Variants in TMEM132B observed in about 807,000 individuals in gnomAD.
TMEM132B encodes transmembrane protein 132B.
TMEM132B carries 18 observed loss-of-function variants against 90.8 expected under a neutral mutation model. The observed-to-expected ratio is 0.20, with a 90% confidence interval of 0.14 to 0.29. The LOEUF is 0.29. Ranked by LOEUF, TMEM132B falls within the 10% of genes least tolerant of loss-of-function variation. The pLI, the probability that TMEM132B is intolerant of heterozygous loss-of-function variation, is 1.00. For synonymous variants in TMEM132B, 504 were observed against 523.3 expected (o/e 0.96, Z 0.50); for missense variants, 1,096 against 1,326.8 (o/e 0.83, Z 2.70).
chr12:125,188,852 C>CAAAAAA (rs72059024), intron 1 of TMEM132B, among the ~76,000 whole-genome samples: 5 of 91,236 alleles, frequency 5.5e-5, no homozygotes, highest in African/African-American at 1.3e-4. Context: ...GGAGGGATGG[C>CAAAAAA]AAAAAAAAAA....
intron 1 of TMEM132B, among the ~76,000 whole-genome samples, chr12:125,242,891 C>T (rs765405845): frequency 1.1e-4 from 17 of 151,994 alleles, no homozygotes; most frequent in Non-Finnish European, 1.8e-4. Context: ...CTGGTGCTCA[C>T]TTTGCTGTGC....
chr12:125,357,632 G>A (rs1349320681), intron 2 of TMEM132B, among the ~76,000 whole-genome samples: 1 of 152,032 alleles, frequency 6.6e-6, no homozygotes, highest in East Asian at 1.9e-4. Context: ...ATCACCTGCC[G>A]AAGACCGGGG....
chr12:125,325,290 T>C (rs576357045), intron 1 of TMEM132B, among the ~76,000 whole-genome samples: 4 of 152,214 alleles, frequency 2.6e-5, no homozygotes, highest in Admixed American at 6.5e-5. Flanking sequence ...ACAGGAGCGT[T>C]TGATGCCCCT....
At chr12:125,501,242 GA>G (rs1488585376) in intron 3 of TMEM132B, among the ~76,000 whole-genome samples, 1 of 152,082 alleles carries the variant, frequency 6.6e-6, no homozygotes, top group Non-Finnish European at 1.5e-5. Context: ...GATAAATGAG[GA>G]ATAATATTTT....
intron 4 of TMEM132B, among the ~76,000 whole-genome samples, chr12:125,558,737 T>G (rs917609136): frequency 6.6e-6 from 1 of 152,202 alleles, no homozygotes; most frequent in Non-Finnish European, 1.5e-5. Flanking sequence ...ATCAAGAAGA[T>G]GAGTCTAATC....
chr12:125,316,530 A>G (rs984721585), intron 1 of TMEM132B, among the ~76,000 whole-genome samples: 2 of 59,252 alleles, frequency 3.4e-5, no homozygotes, highest in Non-Finnish European at 6.0e-5. Context: ...GAAAGAGTAC[A>G]GAGAGGTCCT....
intron 2 of TMEM132B, among the ~76,000 whole-genome samples, chr12:125,382,735 A>G (rs183236097): frequency 2.3e-4 from 35 of 152,352 alleles, no homozygotes; most frequent in Admixed American, 3.9e-4. Context: ...GTTCAATAAC[A>G]TTGCTCTTGA....
chr12:125,381,004 G>T (rs1878664538), intron 2 of TMEM132B, among the ~76,000 whole-genome samples: 1 of 152,130 alleles, frequency 6.6e-6, no homozygotes, highest in South Asian at 2.1e-4. Context: ...CTTCTGTCCT[G>T]GTCAGATGCT....
At chr12:125,189,944 A>G (rs1571885) in intron 1 of TMEM132B, among the ~76,000 whole-genome samples, 119,137 of 152,002 alleles carry the variant, frequency 0.78, 46,995 homozygotes, top group African/African-American at 0.84. Context: ...GAGGGGGTCC[A>G]TTTCCCCTGA....
At chr12:125,589,477 G>T (rs1389046557) in intron 5 of TMEM132B, among the ~76,000 whole-genome samples, 9 of 49,924 alleles carry the variant, frequency 1.8e-4, no homozygotes, top group South Asian at 1.1e-3. Context: ...GCGAGACTCC[G>T]TCTCAAAAAA....
At chr12:125,442,914 G>A (rs571669295) in intron 3 of TMEM132B, among the ~76,000 whole-genome samples, 83 of 152,354 alleles carry the variant, frequency 5.4e-4, no homozygotes, top group Non-Finnish European at 1.1e-3. Flanking sequence ...GTCGCTAGTC[G>A]ACAGTTCTAA....
intron 3 of TMEM132B, among the ~76,000 whole-genome samples, chr12:125,438,293 G>A (rs1475921751): frequency 6.6e-6 from 1 of 152,192 alleles, no homozygotes; most frequent in Non-Finnish European, 1.5e-5. Flanking sequence ...TTTAATTCCA[G>A]AGAGGTGTAA....
At chr12:125,243,032 TACACACACACACACACACACATAC>T (rs1874117070) in intron 1 of TMEM132B, among the ~76,000 whole-genome samples, 4 of 135,008 alleles carry the variant, frequency 3.0e-5, no homozygotes, top group African/African-American at 1.1e-4. Flanking sequence ...TATATATATA[TACACACACACACACACACACATAC>T]ATATATACAC....
chr12:125,473,703 C>A (rs1292366502), intron 3 of TMEM132B, among the ~76,000 whole-genome samples: 1 of 152,182 alleles, frequency 6.6e-6, no homozygotes, highest in Non-Finnish European at 1.5e-5. Context: ...ATAGCACTGC[C>A]CCACATTCTT....
chr12:125,548,900 C>T (rs1253354671), intron 4 of TMEM132B, among the ~76,000 whole-genome samples: 2 of 152,142 alleles, frequency 1.3e-5, no homozygotes, highest in African/African-American at 4.8e-5. Context: ...AGTGGAAGTA[C>T]ATAGGCCCTT....
chr12:125,539,312 C>A (rs956593415), intron 4 of TMEM132B, among the ~76,000 whole-genome samples: 1 of 152,180 alleles, frequency 6.6e-6, no homozygotes, highest in Non-Finnish European at 1.5e-5. Context: ...CAATCTTGTT[C>A]TCACTGCAAG....
intron 4 of TMEM132B, among the ~76,000 whole-genome samples, chr12:125,579,264 A>C (rs1884999460): frequency 6.6e-6 from 1 of 151,962 alleles, no homozygotes; most frequent in African/African-American, 2.4e-5. Flanking sequence ...CATTTCGGCT[A>C]TTGCACTTTT....
intron 3 of TMEM132B, among the ~76,000 whole-genome samples, chr12:125,427,451 A>C (rs1258440253): frequency 6.6e-6 from 1 of 152,234 alleles, no homozygotes. Context: ...CCCAGGCTTC[A>C]AGGCTCCAGA....
At chr12:125,432,021 GC>G (rs1472875208) in intron 3 of TMEM132B, among the ~76,000 whole-genome samples, 1 of 151,314 alleles carries the variant, frequency 6.6e-6, no homozygotes, top group African/African-American at 2.4e-5. Flanking sequence ...TTTTTCCTGT[GC>G]TAGGGAGACA....
Sources: allele counts gnomAD v4.1 joint callset (sites outside exome capture counted in the v4.1 genomes callset), GRCh38; gene constraint gnomAD v4.1.1; transcripts MANE v1.5; gene names NCBI Gene and HGNC (gene_info 2026-07-23, HGNC 2026-07-21).